The following KIRREL3 variants were observed in gnomAD, a reference collection of about 807,000 sequenced individuals.
KIRREL3 encodes the protein kin of IRRE-like protein 3.
In KIRREL3, 36 loss-of-function variants were observed where a neutral mutation model predicts 89.7. The ratio of observed to expected loss-of-function variants is 0.40; its 90% CI spans 0.31 to 0.53. The LOEUF is 0.53. Among genes scored for constraint, KIRREL3 ranks in the 20% least tolerant of loss-of-function variants. The pLI is 0.49. For synonymous variants in KIRREL3, 445 were observed against 441.4 expected, an observed-to-expected ratio of 1.01 and a Z score of -0.10; for missense variants, 864 against 1,056.6, an observed-to-expected ratio of 0.82 and a Z score of 2.53.
Position 126,571,483 on chromosome 11 carries a change from C to T in KIRREL3, c.56-8571G>A, listed in dbSNP as rs1372367063. Among the ~76,000 whole-genome samples, 1 of 152,248 alleles carries T rather than the reference C, an allele frequency of 6.6e-6. No homozygotes were observed. Among genetic ancestry groups the T allele is most frequent in the African/African-American group, 2.4e-5 (1 of 41,470 alleles). ...AGTGTCTGCCACCTGGGACCAGGCT[C>T]ATGTAGTTCACCATCACAATGAAAG... On this transcript the variant is annotated intron_variant, in intron 1 of 16. Coordinates refer to ENST00000525144, the MANE Select transcript of KIRREL3 (RefSeq NM_032531.4). This position sits in a 1 kb window ranked among gnomAD's most constrained non-coding sequence, Gnocchi z 7.7.
chr11:126,864,633 T>C (rs368384436), intron 1 of KIRREL3, among the ~76,000 whole-genome samples: 63 of 152,204 alleles, frequency 4.1e-4, no homozygotes, highest in African/African-American at 1.5e-3. Context: ...TCTTTTTCCA[T>C]AAGAAGTAGT....
Position 126,987,968 on chromosome 11 carries a change from CA to C in KIRREL3, c.55+12486del, listed in dbSNP as rs1279200794. On this transcript the variant is annotated intron_variant, in intron 1 of 16. Transcript: ENST00000525144. The surrounding 1 kb of genome is among the most constrained non-coding windows in gnomAD (Gnocchi z 4.6). The stretch of plus-strand genomic sequence containing the variant: ...GCTCTATGACACTCAGGCTCTCCTA[CA>C]TTCTAAGAGTCTTTTTATTTCCCCC... 9.9e-5 allele frequency among the ~76,000 whole-genome samples: 15 copies of C among 152,216 alleles called. No individual in the cohort carries two copies. In the South Asian group the frequency reaches 2.9e-3, roughly 29 times the overall value.
rs2037935470 is a variant in KIRREL3 at position 126,562,993 on chromosome 11, G to A, written c.56-81C>T. ...GGGGGGCCCTCTGCAGGGGGCTGTGGAGCTTGTTGCTCTTATAAACAGAGG... is the reference window on the plus strand; with the variant it reads ...GGGGGGCCCTCTGCAGGGGGCTGTGAAGCTTGTTGCTCTTATAAACAGAGG... On this transcript the variant is annotated intron_variant, in intron 1 of 16. Coordinates refer to ENST00000525144, the MANE Select transcript of KIRREL3 (RefSeq NM_032531.4). The surrounding 1 kb of genome is among the most constrained non-coding windows in gnomAD (Gnocchi z 4.7). 2 of 962,264 alleles carry A rather than the reference G, an allele frequency of 2.1e-6. No individual in the cohort carries two copies. The highest frequency in any genetic ancestry group is 3.2e-6 in the Non-Finnish European group (2 of 618,588). The allele number at this position is 962,264 out of a possible 1,614,324, so 59.6% of individuals were successfully genotyped here. A position where few individuals can be genotyped will look rare whatever the true frequency, so the allele number is the denominator to read the frequency against.
rs898101426 is a variant in KIRREL3, at chr11:126,703,912, A to G, written c.56-141000T>C. ...CAGCGGTTATGCTGGGGACATCTACATACCTTGCATTCCTCCCCTTTCACA... is the reference window on the plus strand; with the variant it reads ...CAGCGGTTATGCTGGGGACATCTACGTACCTTGCATTCCTCCCCTTTCACA... On this transcript the variant is annotated intron_variant, in intron 1 of 16. Transcript: ENST00000525144. This position sits in a 1 kb window ranked among gnomAD's most constrained non-coding sequence, Gnocchi z 4.6. Among the ~76,000 whole-genome samples the G allele has an allele frequency of 4.6e-5, 7 of 150,562 alleles. No individual in the cohort carries two copies. The highest frequency in any genetic ancestry group is 1.5e-4 in the African/African-American group (6 of 40,682).
At position 126,561,994 on chromosome 11, in the gene KIRREL3, G is replaced by C. The variant is rs1241104473; in HGVS notation, c.133+841C>G. Among the ~76,000 whole-genome samples the C allele has an allele frequency of 6.6e-6, 1 of 152,230 alleles. No individual in the cohort carries two copies. The highest frequency in any genetic ancestry group is 1.5e-5 in the Non-Finnish European group (1 of 68,036). On this transcript the variant is annotated intron_variant, in intron 2 of 16. Coordinates refer to ENST00000525144, the MANE Select transcript of KIRREL3 (RefSeq NM_032531.4). This position sits in a 1 kb window ranked among gnomAD's most constrained non-coding sequence, Gnocchi z 4.5. Reference sequence around the variant, plus strand: ...GAGACATGGGCCCTGGGCCCTGGAAGGGGAGGGGTCCAGCCCATGGCAAGC... The same window carrying C: ...GAGACATGGGCCCTGGGCCCTGGAACGGGAGGGGTCCAGCCCATGGCAAGC...
At chr11:126,480,930 A>G (rs1957200688) in intron 4 of KIRREL3, among the ~76,000 whole-genome samples, 1 of 152,216 alleles carries the variant, frequency 6.6e-6, no homozygotes, top group African/African-American at 2.4e-5. Context: ...CCTAATGGCC[A>G]CAATGGAGAA....
intron 1 of KIRREL3, among the ~76,000 whole-genome samples, chr11:126,567,933 G>A (rs956391339): frequency 6.6e-6 from 1 of 152,118 alleles, no homozygotes; most frequent in African/African-American, 2.4e-5. Flanking sequence ...GCATCTGGAT[G>A]GCTGCTTGTA....
At chr11:126,823,192 T>A (rs1018490680) in intron 1 of KIRREL3, among the ~76,000 whole-genome samples, 2 of 152,186 alleles carry the variant, frequency 1.3e-5, no homozygotes, top group Non-Finnish European at 2.9e-5. Flanking sequence ...ACATTGATTA[T>A]CTACCATTTA....
chr11:126,454,638 T>G lies in KIRREL3; in HGVS notation c.848+1711A>C, dbSNP rs543385005. Reference sequence around the variant, plus strand: ...TATGGAGAAACCCAGGCCTGGCAGGTGCAGCGTGGAAGCCTAGGGCCAGGG... The same window carrying G: ...TATGGAGAAACCCAGGCCTGGCAGGGGCAGCGTGGAAGCCTAGGGCCAGGG... On this transcript the variant is annotated intron_variant, in intron 7 of 16. Transcript: ENST00000525144. This position sits in a 1 kb window ranked among gnomAD's most constrained non-coding sequence, Gnocchi z 5.8. 3.9e-5 allele frequency among the ~76,000 whole-genome samples: 6 copies of G among 152,130 alleles called. No homozygotes were observed. The South Asian group carries it at 1.3e-3, about 32-fold the overall frequency.
At chr11:126,536,499 A>G (rs952530746) in intron 2 of KIRREL3, among the ~76,000 whole-genome samples, 9 of 152,108 alleles carry the variant, frequency 5.9e-5, no homozygotes, top group Non-Finnish European at 1.5e-5. Flanking sequence ...GCACAGATCT[A>G]CAGGGCAGCA....
At position 126,463,221 on chromosome 11, in the gene KIRREL3, C is replaced by G; in HGVS notation, c.678G>C (p.Val226=). 2.5e-6 allele frequency: 4 copies of G among 1,613,972 alleles called. No individual in the cohort carries two copies. Among genetic ancestry groups the G allele is most frequent in the Non-Finnish European group, 3.4e-6 (4 of 1,179,876 alleles). Reference sequence around the variant, plus strand: ...GGATGGCTTTGTTGGTGGCACGACACACGATGCTCTGGCCATTCTCCACGT... The same window carrying G: ...GGATGGCTTTGTTGGTGGCACGACAGACGATGCTCTGGCCATTCTCCACGT... ...PGDVENGQSI[V]CRATNKAIPG... Residue 226 remains valine (V), a synonymous_variant, in exon 6 of 17, where the codon GTG becomes GTC. Coordinates refer to ENST00000525144, the MANE Select transcript of KIRREL3 (RefSeq NM_032531.4). This position sits in a 1 kb window ranked among gnomAD's most constrained non-coding sequence, Gnocchi z 5.9.
rs146279906 is a variant in KIRREL3 at position 126,946,601 on chromosome 11, T to C, written c.55+53854A>G. ...AGAACATGTTTTATGTCAGTTACTA[T>C]GATAAGAGCTCATAAAATATGTCCC... On this transcript the variant is annotated intron_variant, in intron 1 of 16. Coordinates refer to ENST00000525144, the MANE Select transcript of KIRREL3 (RefSeq NM_032531.4). This position sits in a 1 kb window ranked among gnomAD's most constrained non-coding sequence, Gnocchi z 4.1. Among the ~76,000 whole-genome samples the C allele has an allele frequency of 3.3e-3, 499 of 152,334 alleles. No individual in the cohort carries two copies. The highest frequency in any genetic ancestry group is 0.011 in the African/African-American group (478 of 41,578).
chr11:126,789,390 C>T (rs1297240182), intron 1 of KIRREL3, among the ~76,000 whole-genome samples: 1 of 152,118 alleles, frequency 6.6e-6, no homozygotes, highest in Non-Finnish European at 1.5e-5. Context: ...GTGAGCAAAC[C>T]CATATTCAAT....
intron 1 of KIRREL3, among the ~76,000 whole-genome samples, chr11:126,717,015 C>T (rs1488416177): frequency 2.6e-5 from 4 of 152,110 alleles, no homozygotes; most frequent in African/African-American, 7.2e-5. Flanking sequence ...AGGATGAACA[C>T]GTGCTTGAAC....
rs1236353913 is a variant in KIRREL3 at position 126,709,562 on chromosome 11, A to G, written c.56-146650T>C. ...GGGTCTTTAAAAAGGTGATTAAGTT[A>G]AAATGAGGTCATTAGGGTGCGTCCT... On this transcript the variant is annotated intron_variant, in intron 1 of 16. Coordinates refer to ENST00000525144, the MANE Select transcript of KIRREL3 (RefSeq NM_032531.4). This position sits in a 1 kb window ranked among gnomAD's most constrained non-coding sequence, Gnocchi z 4.0. 6.6e-6 allele frequency among the ~76,000 whole-genome samples: 1 copy of G among 152,210 alleles called. No homozygotes were observed. Among genetic ancestry groups the G allele is most frequent in the Non-Finnish European group, 1.5e-5 (1 of 68,038 alleles).
chr11:126,718,099 G>T (rs1417910428), intron 1 of KIRREL3, among the ~76,000 whole-genome samples: 1 of 152,164 alleles, frequency 6.6e-6, no homozygotes, highest in Non-Finnish European at 1.5e-5. Context: ...CCTGGGCAAG[G>T]TAGCATCACC....
At chr11:126,464,345 C>A (rs1409803789) in intron 5 of KIRREL3, among the ~76,000 whole-genome samples, 230 of 94,688 alleles carry the variant, frequency 2.4e-3, no homozygotes, top group Middle Eastern at 6.7e-3. Context: ...CTGTCACTAC[C>A]AAAAAAAAAA....
Position 126,796,712 on chromosome 11 carries a change from G to C in KIRREL3, c.55+203743C>G, listed in dbSNP as rs1950823644. 6.6e-6 allele frequency among the ~76,000 whole-genome samples: 1 copy of C among 151,818 alleles called. No individual in the cohort carries two copies. The highest frequency in any genetic ancestry group is 2.1e-4 in the South Asian group (1 of 4,800). Reference sequence around the variant, plus strand: ...TATTTTTGCAACAAGGTCTTGCTCTGTTGCCCAGGCTGGAGTGCAGTGGCA... The same window carrying C: ...TATTTTTGCAACAAGGTCTTGCTCTCTTGCCCAGGCTGGAGTGCAGTGGCA... On this transcript the variant is annotated intron_variant, in intron 1 of 16. Coordinates refer to ENST00000525144, the MANE Select transcript of KIRREL3 (RefSeq NM_032531.4). The surrounding 1 kb of genome is among the most constrained non-coding windows in gnomAD (Gnocchi z 5.1).
chr11:126,710,655 G>A lies in KIRREL3; in HGVS notation c.56-147743C>T, dbSNP rs566670676. ...CTGGGGACCCCTCTCATCCCACTTG[G>A]ACTCAGAGTCCCTGGTGCCCCGAAG... On this transcript the variant is annotated intron_variant, in intron 1 of 16. Coordinates refer to ENST00000525144, the MANE Select transcript of KIRREL3 (RefSeq NM_032531.4). The surrounding 1 kb of genome is among the most constrained non-coding windows in gnomAD (Gnocchi z 4.2). Among the ~76,000 whole-genome samples the A allele has an allele frequency of 2.0e-5, 3 of 152,184 alleles. No homozygotes were observed. Among genetic ancestry groups the A allele is most frequent in the South Asian group, 2.1e-4 (1 of 4,804 alleles).
Sources: gnomAD v4.1 joint callset for allele counts (sites outside exome capture counted in the v4.1 genomes callset) on GRCh38, gnomAD v4.1.1 for gene constraint, Gnocchi (gnomAD v3.1) non-coding constraint, MANE v1.5 for transcripts, NCBI Gene and HGNC (gene_info 2026-07-23, HGNC 2026-07-21) for gene names.